NCAM1: variants seen among roughly 807,000 people sequenced by gnomAD.
NCAM1 encodes neural cell adhesion molecule 1.
NCAM1 carries 14 observed loss-of-function variants against 109.8 expected under a neutral mutation model. The observed-to-expected ratio is 0.13, with a 90% CI of 0.08 to 0.20. NCAM1 has a LOEUF of 0.20. NCAM1 is among the 10% of genes least tolerant of loss of function. The probability of loss-of-function intolerance (pLI) is 1.00; values close to 1 mark genes in which losing one functional copy is unlikely to be tolerated. For synonymous variants in NCAM1, 418 were observed against 442.9 expected (o/e 0.94, Z 0.70); for missense variants, 774 against 1,109.9 (o/e 0.70, Z 4.30).
intron 15 of NCAM1, among the ~76,000 whole-genome samples, chr11:113,253,444 G>A (rs1308357975): frequency 1.3e-5 from 2 of 151,476 alleles, no homozygotes; most frequent in South Asian, 2.1e-4. Flanking sequence ...TGCAGTGGCT[G>A]TCACTGTTTC....
intron 1 of NCAM1, among the ~76,000 whole-genome samples, chr11:112,977,774 T>C (rs1951044244): frequency 6.6e-6 from 1 of 151,866 alleles, no homozygotes; most frequent in Admixed American, 6.6e-5. Context: ...TTAGAAAGGC[T>C]TGTTGGTGGT....
rs1946348886 is a variant in NCAM1 at position 113,273,856 on chromosome 11, T to C, written c.2457-1411T>C. 4.5e-6 allele frequency: 1 copy of C among 221,234 alleles called. No homozygotes were observed. Among genetic ancestry groups the C allele is most frequent in the South Asian group, 4.7e-5 (1 of 21,286 alleles). The allele number at this position is 221,234 out of a possible 1,614,324, so 13.7% of individuals were successfully genotyped here. ...ATGTGTCTTCAGCCTCATCCAGGGC[T>C]TCTCTGAGGCGACCGTCAACCAAGG... On this transcript the variant is annotated intron_variant, in intron 19 of 19. Transcript: ENST00000316851. This position sits in a 1 kb window ranked among gnomAD's most constrained non-coding sequence, Gnocchi z 6.0.
intron 1 of NCAM1, among the ~76,000 whole-genome samples, chr11:113,143,493 A>C (rs1941903359): frequency 6.6e-6 from 1 of 152,234 alleles, no homozygotes; most frequent in Admixed American, 6.5e-5. Flanking sequence ...CAGTCCATCA[A>C]CTGTAAATGT....
intron 1 of NCAM1, among the ~76,000 whole-genome samples, chr11:113,121,225 C>CTTTTT (rs3051885): frequency 0.69 from 85,610 of 124,892 alleles, 30,855 homozygotes; most frequent in Middle Eastern, 0.84. Flanking sequence ...CAACACCAAT[C>CTTTTT]TTTTTTTTTT....
intron 1 of NCAM1, among the ~76,000 whole-genome samples, chr11:113,098,457 T>C (rs542114852): frequency 1.3e-5 from 2 of 150,028 alleles, no homozygotes; most frequent in South Asian, 2.1e-4. Context: ...ATTTGTATTA[T>C]TATTATTTTT....
At chr11:113,243,068 T>C (rs116878168) in intron 14 of NCAM1, 1 of 821,416 alleles carries the variant, frequency 1.2e-6, no homozygotes, top group Non-Finnish European at 1.5e-6. Context: ...ATTGGAAGAA[T>C]ACTCCGTGCA....
At chr11:112,988,789 C>A (rs1251247715) in intron 1 of NCAM1, among the ~76,000 whole-genome samples, 2 of 138,516 alleles carry the variant, frequency 1.4e-5, no homozygotes, top group Non-Finnish European at 3.0e-5. Flanking sequence ...CACTCTGTTG[C>A]CCAGGCCGAA....
At chr11:113,121,409 T>C (rs2136037925) in intron 1 of NCAM1, among the ~76,000 whole-genome samples, 1 of 151,380 alleles carries the variant, frequency 6.6e-6, no homozygotes, top group East Asian at 1.9e-4. Flanking sequence ...TTGGTAAAGA[T>C]GGGATTTCAC....
At chr11:113,265,419 G>C (rs1555124259) in intron 17 of NCAM1, among the ~76,000 whole-genome samples, 2 of 152,210 alleles carry the variant, frequency 1.3e-5, no homozygotes, top group Non-Finnish European at 2.9e-5. Context: ...CAGGCAGTGG[G>C]AGGGGAAAAT....
chr11:113,231,357 G>A (rs1827288182), intron 9 of NCAM1: 2 of 1,464,024 alleles, frequency 1.4e-6, no homozygotes, highest in Admixed American at 2.0e-5. Flanking sequence ...AAGTCATCTT[G>A]GGGGACCTAG....
At chr11:113,251,447 A>G (rs1478415347) in intron 15 of NCAM1, among the ~76,000 whole-genome samples, 1 of 152,210 alleles carries the variant, frequency 6.6e-6, no homozygotes, top group African/African-American at 2.4e-5. Context: ...GGAGAATTTC[A>G]TAGGACCTGC....
chr11:113,233,355 A>G lies in NCAM1; in HGVS notation c.1693+38A>G. 6.3e-7 allele frequency: 1 copy of G among 1,590,274 alleles called. No individual in the cohort carries two copies. The highest frequency in any genetic ancestry group is 8.6e-7 in the Non-Finnish European group (1 of 1,167,222). On this transcript the variant is annotated intron_variant, in intron 13 of 19. Coordinates refer to ENST00000316851, the MANE Select transcript of NCAM1 (RefSeq NM_181351.5). The surrounding 1 kb of genome is among the most constrained non-coding windows in gnomAD (Gnocchi z 4.5). The stretch of plus-strand genomic sequence containing the variant: ...AGTTGGTGTTTCCATTGGGATCATG[A>G]GTGCCTCAGTACTCAGATGTCCCCA...
chr11:113,157,378 TAAAC>T (rs1313319794), intron 1 of NCAM1, among the ~76,000 whole-genome samples: 1 of 152,178 alleles, frequency 6.6e-6, no homozygotes, highest in East Asian at 1.9e-4. Context: ...ACAAACCAAA[TAAAC>T]AACAACTTTT....
Position 113,031,724 on chromosome 11 carries a change from C to T in NCAM1, c.52+70060C>T, listed in dbSNP as rs140750408. On this transcript the variant is annotated intron_variant, in intron 1 of 19. Transcript: ENST00000316851. ...AAAGAAAAAGAAAAAGAAAAAAGGA[C>T]ACTTGTTTATAGTATGAGAGCTGAG... Among the ~76,000 whole-genome samples the T allele has an allele frequency of 4.4e-4, 67 of 151,906 alleles. 1 individual carries two copies. In the South Asian group the frequency reaches 4.6e-3, roughly 10 times the overall value.
chr11:112,984,832 TC>T (rs1951252384), intron 1 of NCAM1, among the ~76,000 whole-genome samples: 1 of 152,028 alleles, frequency 6.6e-6, no homozygotes, highest in Non-Finnish European at 1.5e-5. Flanking sequence ...ACAGATATTT[TC>T]TCCCAACCCA....
intron 1 of NCAM1, among the ~76,000 whole-genome samples, chr11:113,139,148 C>A (rs1555099958): frequency 6.6e-6 from 1 of 152,206 alleles, no homozygotes; most frequent in Non-Finnish European, 1.5e-5. Flanking sequence ...TTGGATAGAT[C>A]TTATCTTCTA....
chr11:113,040,320 G>C (rs1953031230), intron 1 of NCAM1, among the ~76,000 whole-genome samples: 1 of 152,112 alleles, frequency 6.6e-6, no homozygotes, highest in Non-Finnish European at 1.5e-5. Flanking sequence ...TGCCATATTG[G>C]ACAGCACAGG....
At chr11:113,264,345 C>T (rs1054459672) in intron 17 of NCAM1, 17 of 985,282 alleles carry the variant, frequency 1.7e-5, no homozygotes, top group East Asian at 1.1e-4. Flanking sequence ...CCTATGTTGG[C>T]GCTCGCCATT....
At chr11:113,014,101 T>C (rs900712763) in intron 1 of NCAM1, among the ~76,000 whole-genome samples, 1 of 152,188 alleles carries the variant, frequency 6.6e-6, no homozygotes. Flanking sequence ...TGTAACTTTA[T>C]GTATTAATAC....
Sources: gnomAD v4.1 joint callset for allele counts (sites outside exome capture counted in the v4.1 genomes callset) on GRCh38, gnomAD v4.1.1 for gene constraint, Gnocchi (gnomAD v3.1) non-coding constraint, MANE v1.5 for transcripts, NCBI Gene and HGNC (gene_info 2026-07-23, HGNC 2026-07-21) for gene names.